C10orf90: variants seen among roughly 807,000 people sequenced by gnomAD.
C10orf90 encodes the protein (E2-independent) E3 ubiquitin-conjugating enzyme FATS.
Under a neutral mutation model 62.5 loss-of-function variants are expected in C10orf90, and 56 were observed. The observed-to-expected ratio is 0.90, with a 90% CI of 0.72 to 1.12. The LOEUF is 1.12. Ranked by LOEUF, C10orf90 falls within the 50% of genes most tolerant of loss-of-function variation. C10orf90 has a pLI of 0.00. For synonymous variants in C10orf90, 386 were observed against 340.4 expected (o/e 1.13, Z -1.47); for missense variants, 970 against 880.4 (o/e 1.10, Z -1.29).
At chr10:126,618,959 A>G (rs1257848932) in intron 2 of C10orf90, among the ~76,000 whole-genome samples, 3 of 152,186 alleles carry the variant, frequency 2.0e-5, no homozygotes, top group African/African-American at 4.8e-5. Context: ...GGATAAATAA[A>G]ATGTGGTACA....
chr10:126,641,685 C>G (rs1020446411), intron 2 of C10orf90, among the ~76,000 whole-genome samples: 4 of 152,122 alleles, frequency 2.6e-5, no homozygotes, highest in East Asian at 3.9e-4. Flanking sequence ...GTTACAAAAT[C>G]TTTTTGTAAC....
At chr10:126,446,283 A>G (rs1858775047) in intron 7 of C10orf90, among the ~76,000 whole-genome samples, 1 of 152,180 alleles carries the variant, frequency 6.6e-6, no homozygotes, top group Non-Finnish European at 1.5e-5. Flanking sequence ...CAGGAACTCA[A>G]AGGTTTCTAA....
rs190814632 is a variant in C10orf90 at position 126,653,812 on chromosome 10, T to C, written c.241-7175A>G. 1.1e-3 allele frequency among the ~76,000 whole-genome samples: 160 copies of C among 152,348 alleles called. 1 individual carries two copies. Among genetic ancestry groups the C allele is most frequent in the African/African-American group, 3.5e-3 (147 of 41,592 alleles). On this transcript the variant is annotated intron_variant, in intron 1 of 9. Transcript: ENST00000488181. Reference sequence around the variant, plus strand: ...AGCCTTAGGAAATGTATTTCTGAAATAATAAGGCTTGAATGTCGAAATTAA... The same window carrying C: ...AGCCTTAGGAAATGTATTTCTGAAACAATAAGGCTTGAATGTCGAAATTAA...
intron 1 of C10orf90, among the ~76,000 whole-genome samples, chr10:126,655,233 G>T (rs1400232222): frequency 6.6e-6 from 1 of 152,082 alleles, no homozygotes; most frequent in Non-Finnish European, 1.5e-5. Context: ...CAGGGGAATC[G>T]CTTGAACCCA....
chr10:126,533,185 C>T (rs1173974172), intron 2 of C10orf90, among the ~76,000 whole-genome samples: 9 of 152,016 alleles, frequency 5.9e-5, no homozygotes, highest in Non-Finnish European at 1.3e-4. Context: ...CCGCCTGCCT[C>T]GGCCTCCCAA....
chr10:126,560,798 A>G (rs1380155998), intron 2 of C10orf90, among the ~76,000 whole-genome samples: 1 of 152,218 alleles, frequency 6.6e-6, no homozygotes, highest in East Asian at 1.9e-4. Flanking sequence ...ATGTCAACCA[A>G]TGGGCGTGGA....
At chr10:126,445,719 GT>G (rs774973049) in intron 7 of C10orf90, among the ~76,000 whole-genome samples, 2 of 151,494 alleles carry the variant, frequency 1.3e-5, no homozygotes, top group Non-Finnish European at 2.9e-5. Context: ...GCACATGCAT[GT>G]TTATAGCAGC....
intron 2 of C10orf90, among the ~76,000 whole-genome samples, chr10:126,574,513 A>T (rs1043872360): frequency 6.6e-6 from 1 of 152,132 alleles, no homozygotes; most frequent in East Asian, 1.9e-4. Flanking sequence ...CAAAAATTTT[A>T]AACAAAATAT....
intron 2 of C10orf90, among the ~76,000 whole-genome samples, chr10:126,586,574 T>C (rs917016381): frequency 5.3e-5 from 8 of 152,184 alleles, no homozygotes; most frequent in African/African-American, 1.9e-4. Context: ...TCCTTTTCTT[T>C]CTGGAAAGTC....
At chr10:126,553,789 C>G (rs1282583596) in intron 2 of C10orf90, among the ~76,000 whole-genome samples, 5 of 152,138 alleles carry the variant, frequency 3.3e-5, no homozygotes, top group African/African-American at 9.7e-5. Context: ...TTCTCAGAAC[C>G]TATCTCCATT....
intron 2 of C10orf90, among the ~76,000 whole-genome samples, chr10:126,614,306 T>C (rs1198676993): frequency 6.6e-6 from 1 of 152,050 alleles, no homozygotes; most frequent in Non-Finnish European, 1.5e-5. Context: ...TCATCGGGGT[T>C]AGAAAGGAAT....
chr10:126,538,766 G>A (rs1864303689), intron 2 of C10orf90, among the ~76,000 whole-genome samples: 1 of 152,178 alleles, frequency 6.6e-6, no homozygotes. Flanking sequence ...GGATGCCTTG[G>A]AAGCCCATGC....
chr10:126,428,095 G>A (rs992256525), intron 8 of C10orf90, among the ~76,000 whole-genome samples: 1 of 152,082 alleles, frequency 6.6e-6, no homozygotes, highest in African/African-American at 2.4e-5. Context: ...CTATCTATTC[G>A]TCACAGAAGG....
chr10:126,429,988 G>A lies in C10orf90; in HGVS notation c.2189-138C>T, dbSNP rs1164604750. On this transcript the variant is annotated intron_variant, in intron 7 of 9. Transcript: ENST00000488181. ...TCCTGAGTCTAAGCAGAACTCAGTAGAGACTGATACACCATAAGTGGTTGT... is the reference window on the plus strand; with the variant it reads ...TCCTGAGTCTAAGCAGAACTCAGTAAAGACTGATACACCATAAGTGGTTGT... 6 of 740,418 alleles carry A rather than the reference G, an allele frequency of 8.1e-6. No homozygotes were observed. In the East Asian group the frequency reaches 1.6e-4, roughly 20 times the overall value. The allele number at this position is 740,418 out of a possible 1,614,324, so 45.9% of individuals were successfully genotyped here.
chr10:126,433,555 A>G (rs1020939389), intron 7 of C10orf90, among the ~76,000 whole-genome samples: 7 of 151,914 alleles, frequency 4.6e-5, no homozygotes, highest in African/African-American at 1.7e-4. Context: ...TGGTCCCACA[A>G]CTCAGTTTCT....
chr10:126,590,022 A>T (rs912684709), intron 2 of C10orf90, among the ~76,000 whole-genome samples: 1 of 152,212 alleles, frequency 6.6e-6, no homozygotes, highest in African/African-American at 2.4e-5. Flanking sequence ...AATGGAAAAC[A>T]GAAAAAAGCA....
rs74158824 is a variant in C10orf90 at position 126,494,163 on chromosome 10, C to T, written c.1534+9794G>A. Among the ~76,000 whole-genome samples, 472 of 152,340 alleles carry T rather than the reference C, an allele frequency of 3.1e-3. 5 individuals are homozygous for T. The highest frequency in any genetic ancestry group is 0.011 in the African/African-American group (463 of 41,596). Reference sequence around the variant, plus strand: ...CCTATATGCAGAAATGGATAAGCCTCTATTTTCTTAAAACACCAGGGCCGT... The same window carrying T: ...CCTATATGCAGAAATGGATAAGCCTTTATTTTCTTAAAACACCAGGGCCGT... On this transcript the variant is annotated intron_variant, in intron 4 of 9. Coordinates refer to ENST00000488181, the MANE Select transcript of C10orf90 (RefSeq NM_001350921.2).
chr10:126,440,236 G>A (rs539232771), intron 7 of C10orf90, among the ~76,000 whole-genome samples: 187 of 152,270 alleles, frequency 1.2e-3, no homozygotes, highest in African/African-American at 4.4e-3. Flanking sequence ...TTTGGATTGC[G>A]TGGGAGCTGG....
intron 4 of C10orf90, among the ~76,000 whole-genome samples, chr10:126,498,048 G>A (rs749447466): frequency 9.2e-5 from 14 of 152,182 alleles, no homozygotes; most frequent in African/African-American, 3.4e-4. Context: ...AAAGACCATC[G>A]TAAGATTGTT....
Sources: gnomAD v4.1 joint callset for allele counts (sites outside exome capture counted in the v4.1 genomes callset) on GRCh38, gnomAD v4.1.1 for gene constraint, MANE v1.5 for transcripts, NCBI Gene and HGNC (gene_info 2026-07-23, HGNC 2026-07-21) for gene names.